Variants in CADM2 observed in about 807,000 individuals in gnomAD.
CADM2 encodes the protein cell adhesion molecule 2, also known as immunoglobulin superfamily member 4D.
A neutral mutation model predicts 49.8 loss-of-function variants in CADM2; 12 were observed. The ratio of observed to expected loss-of-function variants is 0.24; its 90% CI spans 0.15 to 0.39. The LOEUF (loss-of-function observed/expected upper bound fraction) is 0.39, where lower values mean the gene tolerates loss of function less well. Ranked by LOEUF, CADM2 falls within the 10% of genes least tolerant of loss-of-function variation. The probability of loss-of-function intolerance (pLI) is 1.00; values close to 1 mark genes in which losing one functional copy is unlikely to be tolerated. For missense variants in CADM2, 378 were observed against 492.3 expected (o/e 0.77, Z 2.20); for synonymous variants, 214 against 175.4 (o/e 1.22, Z -1.74).
chr3:85,556,038 A>G (rs763594197), intron 1 of CADM2, among the ~76,000 whole-genome samples: 3 of 152,116 alleles, frequency 2.0e-5, no homozygotes, highest in East Asian at 3.9e-4. Flanking sequence ...ATTGACCCCC[A>G]TGTAGTTGAA....
At chr3:85,113,645 G>A (rs1449892813) in intron 1 of CADM2, among the ~76,000 whole-genome samples, 1 of 149,966 alleles carries the variant, frequency 6.7e-6, no homozygotes, top group African/African-American at 2.4e-5. Flanking sequence ...TGTAATTAAA[G>A]CAATTTTATT....
chr3:85,618,657 A>T (rs1432249595), intron 1 of CADM2, among the ~76,000 whole-genome samples: 1 of 152,042 alleles, frequency 6.6e-6, no homozygotes, highest in East Asian at 1.9e-4. Context: ...CTCTCTCTGT[A>T]TATAAGGAGA....
chr3:85,940,108 C>T (rs1482808337), intron 7 of CADM2, among the ~76,000 whole-genome samples: 1 of 131,960 alleles, frequency 7.6e-6, no homozygotes, highest in Non-Finnish European at 1.5e-5. Flanking sequence ...CATCTGAGGT[C>T]AGGAGTTCAA....
chr3:86,010,514 A>G (rs1188961480), intron 8 of CADM2, among the ~76,000 whole-genome samples: 1 of 151,466 alleles, frequency 6.6e-6, no homozygotes, highest in Non-Finnish European at 1.5e-5. Context: ...TGAGACAAAT[A>G]TACAAAATCT....
intron 1 of CADM2, among the ~76,000 whole-genome samples, chr3:84,964,131 G>A (rs2030788661): frequency 6.6e-6 from 1 of 152,162 alleles, no homozygotes; most frequent in Admixed American, 6.5e-5. Flanking sequence ...AGTATCAACT[G>A]AGATGATCTG....
intron 8 of CADM2, among the ~76,000 whole-genome samples, chr3:86,024,702 T>C (rs1261909686): frequency 6.6e-6 from 1 of 152,142 alleles, no homozygotes; most frequent in Non-Finnish European, 1.5e-5. Flanking sequence ...TTGGAAATAT[T>C]TCTGCCATCA....
chr3:85,530,143 A>C (rs995634923), intron 1 of CADM2, among the ~76,000 whole-genome samples: 3 of 151,900 alleles, frequency 2.0e-5, no homozygotes, highest in Non-Finnish European at 4.4e-5. Flanking sequence ...AATTTGCATG[A>C]GATCTGATGG....
chr3:85,088,879 C>G (rs181307373), intron 1 of CADM2, among the ~76,000 whole-genome samples: 1 of 152,012 alleles, frequency 6.6e-6, no homozygotes, highest in African/African-American at 2.4e-5. Flanking sequence ...CATCGATGCT[C>G]TCAGCTGACC....
At chr3:85,049,642 G>A (rs2035807549) in intron 1 of CADM2, among the ~76,000 whole-genome samples, 1 of 150,898 alleles carries the variant, frequency 6.6e-6, no homozygotes, top group Non-Finnish European at 1.5e-5. Context: ...GAGCTACTGT[G>A]CCTGGCAAAT....
chr3:85,172,129 G>T (rs2040644992), intron 1 of CADM2, among the ~76,000 whole-genome samples: 1 of 152,114 alleles, frequency 6.6e-6, no homozygotes, highest in Admixed American at 6.5e-5. Context: ...ATTGCCTACT[G>T]TCAAAAAAAA....
chr3:85,754,254 G>A lies in CADM2; in HGVS notation c.88+27706G>A, dbSNP rs555963451. The stretch of plus-strand genomic sequence containing the variant: ...AAGCTGCTGATCACCAGCTTCAGGT[G>A]TTTCTATCTATTGGGAGACTGCCAT... On this transcript the variant is annotated intron_variant, in intron 2 of 9. Coordinates refer to ENST00000383699, the MANE Select transcript of CADM2 (RefSeq NM_001167675.2). Among the ~76,000 whole-genome samples the A allele has an allele frequency of 1.2e-3, 177 of 152,268 alleles. 1 individual carries two copies. The highest frequency in any genetic ancestry group is 4.0e-3 in the African/African-American group (165 of 41,552).
intron 1 of CADM2, among the ~76,000 whole-genome samples, chr3:85,315,073 G>T (rs891589444): frequency 2.0e-5 from 3 of 152,152 alleles, no homozygotes; most frequent in African/African-American, 7.2e-5. Context: ...GTGTCTTCTA[G>T]TTTCTGGCAG....
chr3:85,212,860 T>TCTCTC (rs1559723747), intron 1 of CADM2, among the ~76,000 whole-genome samples: 12 of 114,850 alleles, frequency 1.0e-4, no homozygotes, highest in Non-Finnish European at 1.3e-4. Flanking sequence ...CTTTCTTTCT[T>TCTCTC]TCTTTCTTTC....
intron 1 of CADM2, among the ~76,000 whole-genome samples, chr3:85,208,273 C>T (rs1382194186): frequency 6.6e-6 from 1 of 152,108 alleles, no homozygotes; most frequent in African/African-American, 2.4e-5. Flanking sequence ...TTTGTTATAA[C>T]ACCCTTTTAT....
intron 2 of CADM2, among the ~76,000 whole-genome samples, chr3:85,796,959 G>A (rs750536364): frequency 1.3e-5 from 2 of 151,912 alleles, no homozygotes; most frequent in Non-Finnish European, 2.9e-5. Context: ...ACTGGGTGTG[G>A]TGACACGCAC....
At chr3:85,898,955 A>ATATATATATATATGTATTTTTTTTTT (rs1475991339) in intron 5 of CADM2, among the ~76,000 whole-genome samples, 1 of 33,908 alleles carries the variant, frequency 2.9e-5, no homozygotes, top group African/African-American at 1.5e-4. Flanking sequence ...ATATATATAT[A>ATATATATATATATGTATTTTTTTTTT]TTTTTTTTTT....
chr3:84,992,966 T>C (rs559899189), intron 1 of CADM2, among the ~76,000 whole-genome samples: 108 of 152,280 alleles, frequency 7.1e-4, no homozygotes, highest in Non-Finnish European at 1.4e-3. Context: ...AGATTGGATG[T>C]TGAAGGTTGT....
chr3:85,394,550 A>G (rs1301733064), intron 1 of CADM2, among the ~76,000 whole-genome samples: 4 of 152,176 alleles, frequency 2.6e-5, no homozygotes, highest in Non-Finnish European at 5.9e-5. Context: ...TTATCTAGCT[A>G]GAGCTGTGCT....
At chr3:86,036,233 C>T (rs1475342192) in intron 8 of CADM2, among the ~76,000 whole-genome samples, 2 of 152,046 alleles carry the variant, frequency 1.3e-5, no homozygotes, top group African/African-American at 4.8e-5. Flanking sequence ...TCATTTTAAC[C>T]TCCTTGTAAT....
Sources: gnomAD v4.1 joint callset for allele counts (sites outside exome capture counted in the v4.1 genomes callset) on GRCh38, gnomAD v4.1.1 for gene constraint, MANE v1.5 for transcripts, NCBI Gene and HGNC (gene_info 2026-07-23, HGNC 2026-07-21) for gene names.